Variants in PLCB1 observed in about 807,000 individuals in gnomAD.
PLCB1 encodes the protein phospholipase C beta 1.
Under a neutral mutation model 161.8 loss-of-function variants are expected in PLCB1, and 46 were observed. The ratio of observed to expected loss-of-function variants is 0.28; its 90% CI spans 0.22 to 0.36. The LOEUF (loss-of-function observed/expected upper bound fraction) is 0.36, where lower values mean the gene tolerates loss of function less well. Among genes scored for constraint, PLCB1 ranks in the 10% least tolerant of loss-of-function variants. The pLI is 1.00. For missense variants in PLCB1, 1,016 were observed against 1,472.5 expected, an observed-to-expected ratio of 0.69 and a Z score of 5.07; for synonymous variants, 517 against 503.7, an observed-to-expected ratio of 1.03 and a Z score of -0.35.
chr20:8,267,345 G>A (rs912915099), intron 2 of PLCB1, among the ~76,000 whole-genome samples: 37 of 152,122 alleles, frequency 2.4e-4, no homozygotes, highest in African/African-American at 8.9e-4. Flanking sequence ...ACTGCCTTCT[G>A]CGGGGTAGCC....
At chr20:8,624,848 A>G (rs190928040) in intron 3 of PLCB1, among the ~76,000 whole-genome samples, 1 of 152,312 alleles carries the variant, frequency 6.6e-6, no homozygotes, top group Non-Finnish European at 1.5e-5. Flanking sequence ...TTTAACTTTA[A>G]AAGTGGAATT....
At chr20:8,810,893 G>A (rs1188449672) in intron 31 of PLCB1, among the ~76,000 whole-genome samples, 5 of 152,182 alleles carry the variant, frequency 3.3e-5, no homozygotes, top group Admixed American at 2.6e-4. Flanking sequence ...TTGAACCTGC[G>A]AGGTCAAGGC....
chr20:8,824,894 C>A (rs183530198), intron 31 of PLCB1, among the ~76,000 whole-genome samples: 2 of 152,202 alleles, frequency 1.3e-5, no homozygotes, highest in East Asian at 3.9e-4. Flanking sequence ...ATAACACACA[C>A]CCCATAACAT....
At chr20:8,411,924 G>T (rs888121646) in intron 3 of PLCB1, among the ~76,000 whole-genome samples, 9 of 152,112 alleles carry the variant, frequency 5.9e-5, no homozygotes, top group African/African-American at 2.2e-4. Flanking sequence ...TTGAGAGACT[G>T]AGGCAGGAGA....
At position 8,681,098 on chromosome 20, in the gene PLCB1, A is replaced by ATT. The variant is rs1381274867; in HGVS notation, c.863-3833_863-3832insTT. The stretch of plus-strand genomic sequence containing the variant: ...TATATGTGTGTGTGTATATATATAT[A>ATT]TATATATATATATATATATATAATA... On this transcript the variant is annotated intron_variant, in intron 9 of 31. Transcript: ENST00000338037. Among the ~76,000 whole-genome samples the ATT allele has an allele frequency of 6.3e-4, 67 of 105,524 alleles. 1 individual carries two copies. The highest frequency in any genetic ancestry group is 2.9e-3 in the African/African-American group (66 of 22,762). 69.2% of individuals were successfully genotyped at this position (105,524 alleles called of 152,430 possible).
chr20:8,381,066 A>G (rs11908076), intron 3 of PLCB1, among the ~76,000 whole-genome samples: 1,950 of 152,224 alleles, frequency 0.013, 17 homozygotes, highest in South Asian at 0.021. Context: ...TCAATATAAT[A>G]TTGGCTATGG....
At chr20:8,215,937 G>GCA (rs1366743664) in intron 2 of PLCB1, among the ~76,000 whole-genome samples, 1 of 151,954 alleles carries the variant, frequency 6.6e-6, no homozygotes, top group East Asian at 1.9e-4. Context: ...AGAGTTAATT[G>GCA]GATGATACCC....
rs2123285994 is a variant in PLCB1 at position 8,646,163 on chromosome 20, A to T, written c.446A>T (p.Asp149Val). ...TNLLAQNMSR[D>V]AFLEKAYTKL... is the part of the protein sequence containing the mutation. ...CTGCTGGCCCAAAACATGTCCAGGG[A>T]TGCATTTCTGGAAAAAGCGTAAGTC... Residue 149 changes from aspartate to valine, a missense_variant, in exon 5 of 32, where the codon GAT becomes GTT. Asp to Val is a radical substitution (Grantham distance 152). Coordinates refer to ENST00000338037, the MANE Select transcript of PLCB1 (RefSeq NM_015192.4). 6.2e-7 allele frequency: 1 copy of T among 1,612,526 alleles called. No individual in the cohort carries two copies.
At chr20:8,401,231 G>A (rs553644944) in intron 3 of PLCB1, among the ~76,000 whole-genome samples, 8 of 152,056 alleles carry the variant, frequency 5.3e-5, no homozygotes, top group South Asian at 4.1e-4. Context: ...TCACTGTTTC[G>A]TAAGATATTT....
At chr20:8,402,557 G>T (rs979051967) in intron 3 of PLCB1, among the ~76,000 whole-genome samples, 1 of 151,896 alleles carries the variant, frequency 6.6e-6, no homozygotes, top group East Asian at 1.9e-4. Context: ...TTTCCAGGCC[G>T]GGCGTGGTGG....
intron 3 of PLCB1, among the ~76,000 whole-genome samples, chr20:8,479,254 T>A (rs1017571790): frequency 6.6e-6 from 1 of 152,174 alleles, no homozygotes; most frequent in Admixed American, 6.5e-5. Flanking sequence ...AAGTGTACAT[T>A]TTTATGTAAA....
chr20:8,628,715 A>G, intron 4 of PLCB1: 1 of 271,216 alleles, frequency 3.7e-6, no homozygotes, highest in Non-Finnish European at 7.3e-6. Flanking sequence ...CGGACAGATC[A>G]CTTGAGGTCA....
chr20:8,285,203 A>G (rs780479427), intron 2 of PLCB1, among the ~76,000 whole-genome samples: 4 of 150,430 alleles, frequency 2.7e-5, no homozygotes, highest in Non-Finnish European at 5.9e-5. Context: ...ATATTTTCCC[A>G]AATGTATGCT....
At chr20:8,455,395 G>GAT (rs1272673627) in intron 3 of PLCB1, among the ~76,000 whole-genome samples, 8 of 143,174 alleles carry the variant, frequency 5.6e-5, no homozygotes, top group Non-Finnish European at 1.1e-4. Context: ...CATTAAATGA[G>GAT]ATATATATAA....
At chr20:8,866,186 A>G (rs1361687078) in intron 31 of PLCB1, among the ~76,000 whole-genome samples, 1 of 152,198 alleles carries the variant, frequency 6.6e-6, no homozygotes, top group Non-Finnish European at 1.5e-5. Flanking sequence ...TTACGTGACG[A>G]AGAAGGAAAT....
At chr20:8,181,117 G>A (rs1281042427) in intron 2 of PLCB1, among the ~76,000 whole-genome samples, 1 of 151,704 alleles carries the variant, frequency 6.6e-6, no homozygotes, top group Non-Finnish European at 1.5e-5. Context: ...CAGGCGTGGT[G>A]GCATGCCTGT....
chr20:8,743,543 C>T (rs1483001819), intron 23 of PLCB1, among the ~76,000 whole-genome samples: 2 of 152,008 alleles, frequency 1.3e-5, no homozygotes, highest in African/African-American at 2.4e-5. Flanking sequence ...TATCTTCTTC[C>T]CTGTCTTAAC....
chr20:8,843,249 T>C (rs569456818), intron 31 of PLCB1, among the ~76,000 whole-genome samples: 8 of 152,294 alleles, frequency 5.3e-5, no homozygotes, highest in African/African-American at 1.9e-4. Flanking sequence ...TTTTACCAAA[T>C]TGTAAATAAA....
chr20:8,855,691 C>A (rs1461096426), intron 31 of PLCB1, among the ~76,000 whole-genome samples: 4 of 152,122 alleles, frequency 2.6e-5, no homozygotes, highest in Admixed American at 6.6e-5. Context: ...CAGAACACAG[C>A]ATTTGTAAGA....
Sources: allele counts gnomAD v4.1 joint callset (sites outside exome capture counted in the v4.1 genomes callset), GRCh38; gene constraint gnomAD v4.1.1; transcripts MANE v1.5; gene names NCBI Gene and HGNC (gene_info 2026-07-23, HGNC 2026-07-21).